Variants in PRKAB2 observed in about 807,000 individuals in gnomAD.
The protein encoded by PRKAB2 is protein kinase AMP-activated non-catalytic subunit beta 2.
A neutral mutation model predicts 29.8 loss-of-function variants in PRKAB2; 18 were observed. That is an observed-to-expected ratio of 0.60 (90% CI 0.42 to 0.89). PRKAB2 has a LOEUF of 0.89. Among genes scored for constraint, PRKAB2 ranks in the 40% least tolerant of loss-of-function variants. The pLI, the probability that PRKAB2 is intolerant of heterozygous loss-of-function variation, is 0.00. For missense variants in PRKAB2, 270 were observed against 344.3 expected (o/e 0.78, Z 1.71); for synonymous variants, 136 against 125.9 (o/e 1.08, Z -0.54).
intron 2 of PRKAB2, among the ~76,000 whole-genome samples, chr1:147,170,386 T>C (rs781830129): frequency 4.6e-5 from 7 of 152,118 alleles, no homozygotes; most frequent in Admixed American, 6.5e-5. Flanking sequence ...GTTCGACAAA[T>C]ACACTGTATT....
In PRKAB2 at chr1:147,172,156, G is replaced by C; in HGVS notation, c.-12C>G. The C allele has an allele frequency of 1.3e-6, 2 of 1,541,564 alleles. No homozygotes were observed. Among genetic ancestry groups the C allele is most frequent in the Non-Finnish European group, 8.7e-7 (1 of 1,143,340 alleles). ...GTGGTGTTTCCCATGGCTGCAGCTCGTCGGGGACCACCTACCGCGGGGAAC... is the reference window on the plus strand; with the variant it reads ...GTGGTGTTTCCCATGGCTGCAGCTCCTCGGGGACCACCTACCGCGGGGAAC... On this transcript the variant is annotated 5_prime_UTR_variant, in exon 2 of 8. Coordinates refer to ENST00000254101, the MANE Select transcript of PRKAB2 (RefSeq NM_005399.5).
At chr1:147,165,210 T>A (rs145233902) in intron 5 of PRKAB2, among the ~76,000 whole-genome samples, 2 of 152,172 alleles carry the variant, frequency 1.3e-5, no homozygotes, top group Non-Finnish European at 2.9e-5. Context: ...TATTTTTTAG[T>A]AGAGATGAGG....
Position 147,159,145 on chromosome 1 carries a change from A to G in PRKAB2, c.*420T>C. On this transcript the variant is annotated 3_prime_UTR_variant, in exon 8 of 8. Transcript: ENST00000254101. ...CTGTTAAGTAGGGCAGCGGTCTAGCACAAGCCCATTCCTTGGAGAGCCAAG... is the reference window on the plus strand; with the variant it reads ...CTGTTAAGTAGGGCAGCGGTCTAGCGCAAGCCCATTCCTTGGAGAGCCAAG... 1 of 173,528 alleles carries G rather than the reference A, an allele frequency of 5.8e-6. No individual in the cohort carries two copies. The highest frequency in any genetic ancestry group is 1.2e-5 in the Non-Finnish European group (1 of 80,056). 10.7% of individuals were successfully genotyped at this position (173,528 alleles called of 1,614,324 possible). A position where few individuals can be genotyped will look rare whatever the true frequency, so the allele number is the denominator to read the frequency against.
chr1:147,171,935 C>T (rs1168751914), intron 2 of PRKAB2, 54 bp downstream of exon 2: 10 of 1,564,376 alleles, frequency 6.4e-6, no homozygotes, highest in Non-Finnish European at 8.7e-6. Flanking sequence ...GAAGAGGAGC[C>T]CAGAAATCAA....
At chr1:147,160,682 G>A (rs944837072) in intron 7 of PRKAB2, 1 of 151,448 alleles carries the variant, frequency 6.6e-6, no homozygotes, top group African/African-American at 2.4e-5. Flanking sequence ...TTGTGGAAAT[G>A]AGGAATACCT....
chr1:147,158,631 GGGT>G lies in PRKAB2; in HGVS notation c.*931_*933del, dbSNP rs1653792204. On this transcript the variant is annotated 3_prime_UTR_variant, in exon 8 of 8. Coordinates refer to ENST00000254101, the MANE Select transcript of PRKAB2 (RefSeq NM_005399.5). ...GGATGAAAGACATGAAAATACTCCC[GGGT>G]TCCACTCCTGCCTTCAGAACTGTTT... 6.6e-6 allele frequency: 1 copy of G among 151,926 alleles called. No homozygotes were observed. The highest frequency in any genetic ancestry group is 1.5e-5 in the Non-Finnish European group (1 of 67,978). The allele number at this position is 151,926 out of a possible 1,614,324, so 9.4% of individuals were successfully genotyped here. A position where few individuals can be genotyped will look rare whatever the true frequency, so the allele number is the denominator to read the frequency against.
At chr1:147,164,830 T>A (rs1245117142) in intron 5 of PRKAB2, among the ~76,000 whole-genome samples, 1 of 152,220 alleles carries the variant, frequency 6.6e-6, no homozygotes, top group Non-Finnish European at 1.5e-5. Context: ...GTCTTCTCTC[T>A]ATATAATTAT....
At chr1:147,166,467 C>G (rs200684761) in intron 5 of PRKAB2, 31 bp downstream of exon 5, 1 of 1,605,638 alleles carries the variant, frequency 6.2e-7, no homozygotes, top group South Asian at 1.1e-5. Context: ...AAGAAAGACA[C>G]AGCAAGAGAG....
At chr1:147,166,814 T>C (rs782369350) in intron 4 of PRKAB2, 32 bp downstream of exon 4, 6 of 1,597,656 alleles carry the variant, frequency 3.8e-6, no homozygotes, top group Non-Finnish European at 4.3e-6. Flanking sequence ...GACTGCTAAG[T>C]CAATGGTTAC....
intron 5 of PRKAB2, 117 bp from the exon 6 acceptor site, chr1:147,162,690 C>T: frequency 1.8e-6 from 2 of 1,099,560 alleles, no homozygotes; most frequent in Non-Finnish European, 2.5e-6. Context: ...GGATCACAAA[C>T]TTGTGACCTG....
intron 2 of PRKAB2, 79 bp from the exon 3 acceptor site, chr1:147,168,012 G>A: frequency 6.9e-7 from 1 of 1,455,398 alleles, no homozygotes; most frequent in Non-Finnish European, 9.3e-7. Context: ...CCCTAGGATA[G>A]AGAAGGGTGC....
intron 2 of PRKAB2, 140 bp downstream of exon 2, chr1:147,171,849 C>G: frequency 8.8e-7 from 1 of 1,135,880 alleles, no homozygotes; most frequent in Non-Finnish European, 1.2e-6. Flanking sequence ...TCATCCAACA[C>G]CTCTGTCCCC....
Position 147,159,101 on chromosome 1 carries a change from T to C in PRKAB2, c.*464A>G, listed in dbSNP as rs587614778. 6.3e-6 allele frequency: 1 copy of C among 158,688 alleles called. No individual in the cohort carries two copies. The highest frequency in any genetic ancestry group is 1.9e-4 in the South Asian group (1 of 5,390). 9.8% of individuals were successfully genotyped at this position (158,688 alleles called of 1,614,324 possible). ...TATAGAGAACCCATGCAAGAAAAAC[T>C]GCCCTTGCAATGAGGCAGCTGTTAA... On this transcript the variant is annotated 3_prime_UTR_variant, in exon 8 of 8. Coordinates refer to ENST00000254101, the MANE Select transcript of PRKAB2 (RefSeq NM_005399.5).
intron 2 of PRKAB2, among the ~76,000 whole-genome samples, chr1:147,168,870 C>G (rs1654380075): frequency 4.6e-5 from 7 of 152,218 alleles, no homozygotes; most frequent in Admixed American, 2.0e-4. Context: ...GTGGTGTAAT[C>G]ATAGCTCACT....
At chr1:147,168,363 G>A (rs1392959525) in intron 2 of PRKAB2, among the ~76,000 whole-genome samples, 1 of 152,140 alleles carries the variant, frequency 6.6e-6, no homozygotes, top group African/African-American at 2.4e-5. Context: ...ATTTTTATAG[G>A]CAAATATGAA....
intron 7 of PRKAB2, 143 bp from the exon 8 acceptor site, chr1:147,159,785 A>C: frequency 1.4e-6 from 1 of 700,500 alleles, no homozygotes; most frequent in Non-Finnish European, 2.4e-6. Context: ...TTTTAGTTCC[A>C]ATTCTGACTC....
In PRKAB2 at chr1:147,161,703, A is replaced by G. The variant is rs1653971019; in HGVS notation, c.741+9T>C. 1 of 1,608,838 alleles carries G rather than the reference A, an allele frequency of 6.2e-7. No individual in the cohort carries two copies. Among genetic ancestry groups the G allele is most frequent in the Non-Finnish European group, 8.5e-7 (1 of 1,175,502 alleles). On this transcript the variant is annotated intron_variant, in intron 7 of 7. Coordinates refer to ENST00000254101, the MANE Select transcript of PRKAB2 (RefSeq NM_005399.5). ...GGGAGCTCTGTGAAGAGCCAGGGCC[A>G]CCACTTACCTTAATGGACAATGCAT...
Position 147,155,538 on chromosome 1 carries a change from G to A in PRKAB2, c.*4027C>T, listed in dbSNP as rs1280657909. 6.6e-6 allele frequency: 1 copy of A among 152,522 alleles called. No individual in the cohort carries two copies. Among genetic ancestry groups the A allele is most frequent in the Non-Finnish European group, 1.5e-5 (1 of 67,994 alleles). The allele number at this position is 152,522 out of a possible 1,614,324, so 9.4% of individuals were successfully genotyped here. A position where few individuals can be genotyped will look rare whatever the true frequency, so the allele number is the denominator to read the frequency against. On this transcript the variant is annotated 3_prime_UTR_variant, in exon 8 of 8. Coordinates refer to ENST00000254101, the MANE Select transcript of PRKAB2 (RefSeq NM_005399.5). ...TGTCCTAAAACCACAAGCTGGGTTA[G>A]GTAAGTGTTTTGTACAGGGGAACAG...
At chr1:147,162,752 A>G (rs1471335204) in intron 5 of PRKAB2, among the ~76,000 whole-genome samples, 179 bp from the exon 6 acceptor site, 1 of 152,208 alleles carries the variant, frequency 6.6e-6, no homozygotes, top group Non-Finnish European at 1.5e-5. Context: ...TCCCCTGGAC[A>G]TAAACCATGA....
Sources: allele counts gnomAD v4.1 joint callset (sites outside exome capture counted in the v4.1 genomes callset), GRCh38; gene constraint gnomAD v4.1.1; transcripts MANE v1.5; gene names NCBI Gene and HGNC (gene_info 2026-07-23, HGNC 2026-07-21).